Variants in MARCHF6 observed in about 807,000 individuals in gnomAD.
MARCHF6 encodes E3 ubiquitin-protein ligase MARCHF6.
MARCHF6 carries 31 observed loss-of-function variants against 133.7 expected under a neutral mutation model. The observed-to-expected ratio is 0.23, with a 90% CI of 0.17 to 0.31. The LOEUF (loss-of-function observed/expected upper bound fraction) is 0.31. Ranked by LOEUF, MARCHF6 falls within the 10% of genes least tolerant of loss-of-function variation. The pLI is 1.00. For missense variants in MARCHF6, 723 were observed against 1,121.6 expected, an observed-to-expected ratio of 0.64 and a Z score of 5.08; for synonymous variants, 395 against 402.5, an observed-to-expected ratio of 0.98 and a Z score of 0.22.
chr5:10,373,074 A>G (rs559407323), intron 1 of MARCHF6, among the ~76,000 whole-genome samples: 1 of 151,848 alleles, frequency 6.6e-6, no homozygotes, highest in South Asian at 2.1e-4. Flanking sequence ...AAAAAAAAAC[A>G]AAACAACAAC....
rs1363706478 is a variant in MARCHF6 at position 10,410,285 on chromosome 5, G to A, written c.1691+9G>A. ...ACCGCCGGATACTTGCTGTGAGTAT[G>A]GGCAGCTGACTCCTTGGACATGCAT... On this transcript the variant is annotated intron_variant, in intron 18 of 25. Transcript: ENST00000274140. 2 of 1,611,652 alleles carry A rather than the reference G, an allele frequency of 1.2e-6. No individual in the cohort carries two copies. Among genetic ancestry groups the A allele is most frequent in the East Asian group, 4.5e-5 (2 of 44,856 alleles).
intron 25 of MARCHF6, among the ~76,000 whole-genome samples, chr5:10,430,846 C>CT (rs1740329090): frequency 6.6e-6 from 1 of 152,178 alleles, no homozygotes; most frequent in Admixed American, 6.5e-5. Context: ...ATTGAAAACT[C>CT]TGTCACTTGA....
chr5:10,434,601 A>G lies in MARCHF6; in HGVS notation c.*917A>G, dbSNP rs1740523384. The G allele has an allele frequency of 6.6e-6, 1 of 152,122 alleles. No homozygotes were observed. Among genetic ancestry groups the G allele is most frequent in the Non-Finnish European group, 1.5e-5 (1 of 67,996 alleles). 9.4% of individuals were successfully genotyped at this position (152,122 alleles called of 1,614,324 possible). On this transcript the variant is annotated 3_prime_UTR_variant, in exon 26 of 26. Transcript: ENST00000274140. ...TAAATCTTTCAGAGTGACATCACCA[A>G]CTGTACTGCATCTTACTGGATTTAG...
At chr5:10,366,539 G>A (rs1397613676) in intron 1 of MARCHF6, among the ~76,000 whole-genome samples, 8 of 152,150 alleles carry the variant, frequency 5.3e-5, no homozygotes, top group Admixed American at 5.2e-4. Flanking sequence ...ACTTGAGACC[G>A]TCATTATGAG....
At chr5:10,417,179 C>T in intron 21 of MARCHF6, 91 bp from the exon 22 acceptor site, 1 of 1,437,082 alleles carries the variant, frequency 7.0e-7, no homozygotes, top group South Asian at 1.3e-5. Flanking sequence ...TGTGGTTGCT[C>T]TGTTAGGCAT....
intron 1 of MARCHF6, among the ~76,000 whole-genome samples, chr5:10,366,047 C>T (rs915749816): frequency 1.4e-4 from 22 of 152,162 alleles, no homozygotes; most frequent in Admixed American, 1.2e-3. Context: ...ATTCTTGTAC[C>T]TCAGCCTCCT....
rs1740771183 is a variant in MARCHF6 at position 10,439,389 on chromosome 5, A to T, written c.*5705A>T. 6.6e-6 allele frequency: 1 copy of T among 152,240 alleles called. No homozygotes were observed. The highest frequency in any genetic ancestry group is 1.5e-5 in the Non-Finnish European group (1 of 68,048). 9.4% of individuals were successfully genotyped at this position (152,240 alleles called of 1,614,324 possible). On this transcript the variant is annotated 3_prime_UTR_variant, in exon 26 of 26. Transcript: ENST00000274140. Reference sequence around the variant, plus strand: ...GTGTTCAGCCTTGGGTTAGGAAAAGATTTCTTAAATCCAACACCAAAAGCA... The same window carrying T: ...GTGTTCAGCCTTGGGTTAGGAAAAGTTTTCTTAAATCCAACACCAAAAGCA...
chr5:10,376,867 GGAA>G (rs1384747086), intron 1 of MARCHF6, among the ~76,000 whole-genome samples: 1 of 152,170 alleles, frequency 6.6e-6, no homozygotes, highest in African/African-American at 2.4e-5. Context: ...TCGTCGTTAA[GGAA>G]GAATTTCCCG....
chr5:10,413,035 TGGA>T (rs1739318551), intron 19 of MARCHF6, among the ~76,000 whole-genome samples: 3 of 152,106 alleles, frequency 2.0e-5, no homozygotes, highest in Non-Finnish European at 4.4e-5. Flanking sequence ...AACCAGATAA[TGGA>T]GCACCTTGAG....
intron 5 of MARCHF6, among the ~76,000 whole-genome samples, chr5:10,389,919 A>T (rs1228459971): frequency 2.0e-5 from 3 of 152,198 alleles, no homozygotes; most frequent in Non-Finnish European, 2.9e-5. Context: ...AAACTCTTAG[A>T]GTTGGACAGA....
intron 1 of MARCHF6, among the ~76,000 whole-genome samples, chr5:10,377,591 CTT>C (rs1392388558): frequency 1.3e-5 from 2 of 152,168 alleles, no homozygotes; most frequent in Non-Finnish European, 2.9e-5. Flanking sequence ...AACAACTTAA[CTT>C]TTAATACATT....
In MARCHF6 at chr5:10,415,612, A is replaced by T; in HGVS notation, c.2091A>T (p.Ala697=). The T allele has an allele frequency of 6.2e-7, 1 of 1,614,156 alleles. No homozygotes were observed. Among genetic ancestry groups the T allele is most frequent in the Non-Finnish European group, 8.5e-7 (1 of 1,180,030 alleles). The change falls in exon 21 of 26, where the codon GCA becomes GCT. Residue 697 remains alanine, a synonymous_variant. Transcript: ENST00000274140. ...LTIRAVTVMV[A]WMPQGRRVIF... Reference sequence around the variant, plus strand: ...TAAGGGCTGTGACGGTGATGGTGGCATGGATGCCTCAGGGACGCAGAGTGA... The same window carrying T: ...TAAGGGCTGTGACGGTGATGGTGGCTTGGATGCCTCAGGGACGCAGAGTGA...
chr5:10,410,125 C>T lies in MARCHF6; in HGVS notation c.1554-14C>T, dbSNP rs1399379525. ...GCAAAATACAATTCACATTATAAATCCTGCCTCTTTCAGTGATGCTCCAGT... is the reference window on the plus strand; with the variant it reads ...GCAAAATACAATTCACATTATAAATTCTGCCTCTTTCAGTGATGCTCCAGT... On this transcript the variant is annotated splice_polypyrimidine_tract_variant and intron_variant, in intron 17 of 25. Transcript: ENST00000274140. 3 of 1,612,858 alleles carry T rather than the reference C, an allele frequency of 1.9e-6. No individual in the cohort carries two copies. The highest frequency in any genetic ancestry group is 1.7e-5 in the Admixed American group (1 of 59,780).
intron 16 of MARCHF6, among the ~76,000 whole-genome samples, 170 bp downstream of exon 16, chr5:10,405,847 T>C (rs1037240807): frequency 1.3e-5 from 2 of 152,200 alleles, no homozygotes; most frequent in Non-Finnish European, 2.9e-5. Context: ...TTGGTTACTT[T>C]GTTAAAATAA....
At chr5:10,392,316 A>G (rs1051849319) in intron 7 of MARCHF6, among the ~76,000 whole-genome samples, 2 of 152,138 alleles carry the variant, frequency 1.3e-5, no homozygotes, top group African/African-American at 4.8e-5. Flanking sequence ...TGGATTAGGT[A>G]CTACTTTTTT....
chr5:10,401,910 T>C, intron 11 of MARCHF6, 149 bp from the exon 12 acceptor site: 1 of 602,334 alleles, frequency 1.7e-6, no homozygotes, highest in Admixed American at 3.0e-5. Flanking sequence ...TTTTCAGAGA[T>C]GTCATCCAAA....
chr5:10,426,356 A>G (rs753863558), intron 23 of MARCHF6, 34 bp from the exon 24 acceptor site: 101 of 1,607,498 alleles, frequency 6.3e-5, no homozygotes, highest in Non-Finnish European at 7.8e-5. Flanking sequence ...TTTGTCTTGT[A>G]TCTTTGTTCT....
At chr5:10,354,512 T>G (rs780317118) in intron 1 of MARCHF6, 1 of 152,206 alleles carries the variant, frequency 6.6e-6, no homozygotes, top group Non-Finnish European at 1.5e-5. Context: ...TGGTTTTAAA[T>G]CCTTGACACC....
chr5:10,412,388 A>G (rs530896437), intron 19 of MARCHF6, among the ~76,000 whole-genome samples: 5 of 152,320 alleles, frequency 3.3e-5, no homozygotes, highest in South Asian at 2.1e-4. Context: ...GACTCCTTCA[A>G]TCAAGAACCA....
Sources: gnomAD v4.1 joint callset for allele counts (sites outside exome capture counted in the v4.1 genomes callset) on GRCh38, gnomAD v4.1.1 for gene constraint, MANE v1.5 for transcripts, NCBI Gene and HGNC (gene_info 2026-07-23, HGNC 2026-07-21) for gene names.